Variants in CCDC40 observed in about 807,000 individuals in gnomAD.
CCDC40 encodes the protein coiled-coil domain 40 molecular ruler complex subunit, also known as coiled-coil domain-containing protein 40.
In CCDC40, 104 loss-of-function variants were observed where a neutral mutation model predicts 124.5. That is an observed-to-expected ratio of 0.84 (90% CI 0.71 to 0.98). The LOEUF (loss-of-function observed/expected upper bound fraction) is 0.98, where lower values mean the gene tolerates loss of function less well. Among genes scored for constraint, CCDC40 ranks in the 50% least tolerant of loss-of-function variants. The pLI is 0.00. For synonymous variants in CCDC40, 580 were observed against 602.9 expected, an observed-to-expected ratio of 0.96 and a Z score of 0.56; for missense variants, 1,463 against 1,503.9, an observed-to-expected ratio of 0.97 and a Z score of 0.45.
At chr17:80,069,117 A>G (rs141558677) in intron 10 of CCDC40, among the ~76,000 whole-genome samples, 16 of 151,894 alleles carry the variant, frequency 1.1e-4, no homozygotes, top group African/African-American at 3.9e-4. Flanking sequence ...ATAAGTTAAT[A>G]CCTTTGATTA....
intron 3 of CCDC40, chr17:80,040,678 C>A (rs79337230): frequency 4.7e-3 from 606 of 129,788 alleles, no homozygotes; most frequent in South Asian, 7.1e-3. Flanking sequence ...GACCTTGTCT[C>A]AAAAAAAAAA....
In CCDC40 at chr17:80,086,488, G is replaced by A. The variant is rs1010469940; in HGVS notation, c.2449+272G>A. 5 of 440,212 alleles carry A rather than the reference G, an allele frequency of 1.1e-5. No homozygotes were observed. The highest frequency in any genetic ancestry group is 3.5e-5 in the Admixed American group (1 of 28,482). The allele number at this position is 440,212 out of a possible 1,614,324, so 27.3% of individuals were successfully genotyped here. ...AGAGCTCTCCTTGAGAGAGGAGCATGGAAGGTTATCATCCCCGCCAAGCCA... is the reference window on the plus strand; with the variant it reads ...AGAGCTCTCCTTGAGAGAGGAGCATAGAAGGTTATCATCCCCGCCAAGCCA... On this transcript the variant is annotated intron_variant, in intron 14 of 19. Coordinates refer to ENST00000397545, the MANE Select transcript of CCDC40 (RefSeq NM_017950.4). The surrounding 1 kb of genome is among the most constrained non-coding windows in gnomAD (Gnocchi z 5.5).
chr17:80,079,767 CA>C (rs34238595), intron 10 of CCDC40, among the ~76,000 whole-genome samples: 22,765 of 136,562 alleles, frequency 0.17, 2,042 homozygotes, highest in East Asian at 0.3. Context: ...ACTAAAAATA[CA>C]AAAAAAAAAA....
intron 10 of CCDC40, among the ~76,000 whole-genome samples, chr17:80,075,208 A>C (rs8072492): frequency 0.72 from 108,004 of 149,522 alleles, 38,874 homozygotes; most frequent in Middle Eastern, 0.91. Flanking sequence ...TACAGGCATG[A>C]GCCACCTCAG....
chr17:80,066,229 A>T lies in CCDC40; in HGVS notation c.1562+623A>T. On this transcript the variant is annotated intron_variant, in intron 10 of 19. Transcript: ENST00000397545. This position sits in a 1 kb window ranked among gnomAD's most constrained non-coding sequence, Gnocchi z 4.4. ...TTCCCCTCCACCTTTCGTAGTCTCC[A>T]CCCCTTGTGCCCAGCACAGAGCCTG... The T allele has an allele frequency of 1.4e-6, 1 of 702,006 alleles. No homozygotes were observed. Among genetic ancestry groups the T allele is most frequent in the Admixed American group, 2.0e-5 (1 of 49,928 alleles). The allele number at this position is 702,006 out of a possible 1,614,324, so 43.5% of individuals were successfully genotyped here. A position where few individuals can be genotyped will look rare whatever the true frequency, so the allele number is the denominator to read the frequency against.
chr17:80,067,822 T>C, intron 10 of CCDC40: 2 of 1,439,430 alleles, frequency 1.4e-6, no homozygotes, highest in East Asian at 2.5e-5. Flanking sequence ...CAGCTCAGCA[T>C]GTTGTCACAC....
chr17:80,040,441 G>A lies in CCDC40; in HGVS notation c.552+171G>A, dbSNP rs542711613. On this transcript the variant is annotated intron_variant, in intron 3 of 19. Transcript: ENST00000397545. ...CGCCTGTAATCCCAGCACTTTGGGA[G>A]GCGAAGGTGGGTGGGTCACCTGAGG... The A allele has an allele frequency of 1.0e-3, 699 of 686,498 alleles. 6 individuals carry two copies. The highest frequency in any genetic ancestry group is 4.2e-3 in the South Asian group (228 of 54,640). 42.5% of individuals were successfully genotyped at this position (686,498 alleles called of 1,614,324 possible). A position where few individuals can be genotyped will look rare whatever the true frequency, so the allele number is the denominator to read the frequency against.
chr17:80,040,399 C>A, intron 3 of CCDC40, 129 bp downstream of exon 3: 2 of 995,620 alleles, frequency 2.0e-6, no homozygotes, highest in Non-Finnish European at 3.0e-6. Context: ...CTTAGCAAGG[C>A]TGGGTGCGGT....
chr17:80,100,090 A>C lies in CCDC40; in HGVS notation c.*315A>C. 21 of 395,804 alleles carry C rather than the reference A, an allele frequency of 5.3e-5. No homozygotes were observed. Among genetic ancestry groups the C allele is most frequent in the East Asian group, 1.7e-4 (3 of 17,418 alleles). 24.5% of individuals were successfully genotyped at this position (395,804 alleles called of 1,614,324 possible). A position where few individuals can be genotyped will look rare whatever the true frequency, so the allele number is the denominator to read the frequency against. On this transcript the variant is annotated 3_prime_UTR_variant, in exon 20 of 20. Coordinates refer to ENST00000397545, the MANE Select transcript of CCDC40 (RefSeq NM_017950.4). ...ACACTTTGGTTTGCAGCACTCCCAA[A>C]TCTGCACGTGCCTCTCACAACACAA... is the stretch of plus-strand genomic sequence containing the variant.
At chr17:80,053,668 C>T (rs9906324) in intron 7 of CCDC40, among the ~76,000 whole-genome samples, 9,413 of 152,210 alleles carry the variant, frequency 0.062, 911 homozygotes, top group African/African-American at 0.21. Context: ...TCTCAGCTCA[C>T]TGCAACCTCC....
In CCDC40 at chr17:80,058,496, G is replaced by A; in HGVS notation, c.1162G>A (p.Ala388Thr). 1 of 1,613,926 alleles carries A rather than the reference G, an allele frequency of 6.2e-7. No individual in the cohort carries two copies. The highest frequency in any genetic ancestry group is 8.5e-7 in the Non-Finnish European group (1 of 1,179,974). Residue 388 changes from alanine to threonine, a missense_variant and splice_region_variant, in exon 8 of 20, where the codon GCG becomes ACG. By Grantham distance (58) the Ala-to-Thr change is moderately conservative. Transcript: ENST00000397545. This position sits in a 1 kb window ranked among gnomAD's most constrained non-coding sequence, Gnocchi z 4.2. ...AAANEERKKL[A>T]ALQTEMENLA... Reference sequence around the variant, plus strand: ...TTCTCCCCCGCCGCGCCCCGCAGTGGCGGCTCTGCAGACTGAGATGGAGAA... The same window carrying A: ...TTCTCCCCCGCCGCGCCCCGCAGTGACGGCTCTGCAGACTGAGATGGAGAA...
chr17:80,070,721 G>A (rs1229709903), intron 10 of CCDC40, among the ~76,000 whole-genome samples: 1 of 152,138 alleles, frequency 6.6e-6, no homozygotes, highest in African/African-American at 2.4e-5. Flanking sequence ...GCAGTGAGCC[G>A]AGATGGTGCC....
Position 80,065,510 on chromosome 17 carries a change from G to C in CCDC40, c.1466G>C (p.Ser489Thr). 6.2e-7 allele frequency: 1 copy of C among 1,613,144 alleles called. No homozygotes were observed. The highest frequency in any genetic ancestry group is 8.5e-7 in the Non-Finnish European group (1 of 1,179,978). Residue 489 changes from serine (S) to threonine (T), a missense_variant, in exon 10 of 20, where the codon AGC becomes ACC. By Grantham distance (58) the Ser-to-Thr change is moderately conservative (BLOSUM62 1). Coordinates refer to ENST00000397545, the MANE Select transcript of CCDC40 (RefSeq NM_017950.4). ...SEACTEIDAI[S>T]VEKRRIMQQW... The stretch of plus-strand genomic sequence containing the variant: ...GCCTGCACCGAGATCGACGCCATCA[G>C]CGTGGAGAAGAGGCGCATCATGCAG...
At chr17:80,064,093 GA>G (rs1035401698) in intron 9 of CCDC40, among the ~76,000 whole-genome samples, 4 of 148,260 alleles carry the variant, frequency 2.7e-5, no homozygotes, top group African/African-American at 1.1e-4. Context: ...TCTGTGAGAG[GA>G]AAAAAAAGTC....
chr17:80,090,712 C>A, intron 17 of CCDC40: 1 of 1,413,942 alleles, frequency 7.1e-7, no homozygotes, highest in Non-Finnish European at 9.2e-7. Context: ...CTTTAAAAGG[C>A]TGGTAATTAA....
intron 7 of CCDC40, among the ~76,000 whole-genome samples, chr17:80,056,016 A>ATATATATATATT (rs71163913): frequency 9.8e-5 from 1 of 10,252 alleles, no homozygotes; most frequent in Non-Finnish European, 1.6e-4. Context: ...ATATATATAT[A>ATATATATATATT]TTTTTTTTTT....
At chr17:80,067,440 C>T (rs967576994) in intron 10 of CCDC40, 3 of 714,144 alleles carry the variant, frequency 4.2e-6, no homozygotes, top group East Asian at 5.4e-5. Context: ...TTCCTTCCCT[C>T]TCTTGCTCCG....
intron 7 of CCDC40, among the ~76,000 whole-genome samples, chr17:80,051,831 C>T (rs772988188): frequency 6.6e-6 from 1 of 152,196 alleles, no homozygotes; most frequent in African/African-American, 2.4e-5. Context: ...AGGCTGGAGC[C>T]GTGGAGCTGG....
intron 10 of CCDC40, among the ~76,000 whole-genome samples, chr17:80,069,548 G>A (rs1417281638): frequency 6.6e-6 from 1 of 152,154 alleles, no homozygotes; most frequent in Non-Finnish European, 1.5e-5. Context: ...GCTGGAGATT[G>A]AAACCATCTT....
Sources: allele counts gnomAD v4.1 joint callset (sites outside exome capture counted in the v4.1 genomes callset), GRCh38; gene constraint gnomAD v4.1.1; non-coding constraint Gnocchi (gnomAD v3.1); transcripts MANE v1.5; gene names NCBI Gene and HGNC (gene_info 2026-07-23, HGNC 2026-07-21).